ZMYM5: variants seen among roughly 807,000 people sequenced by gnomAD.
The protein encoded by ZMYM5 is zinc finger MYM-type protein 5.
ZMYM5 carries 41 observed loss-of-function variants against 61.8 expected under a neutral mutation model. The ratio of observed to expected loss-of-function variants is 0.66; its 90% CI spans 0.52 to 0.86. ZMYM5 has a LOEUF of 0.86. Ranked by LOEUF, ZMYM5 falls within the 40% of genes least tolerant of loss-of-function variation. The pLI is 0.00. For synonymous variants in ZMYM5, 257 were observed against 276.4 expected, an observed-to-expected ratio of 0.93 and a Z score of 0.70; for missense variants, 706 against 786.7, an observed-to-expected ratio of 0.90 and a Z score of 1.23.
intron 2 of ZMYM5, among the ~76,000 whole-genome samples, chr13:19,852,711 T>C (rs1021175679): frequency 1.3e-5 from 2 of 152,210 alleles, no homozygotes; most frequent in Non-Finnish European, 1.5e-5. Flanking sequence ...GCAATGGGCT[T>C]TTTACAGAAA....
At chr13:19,842,111 GGCCAATCC>G (rs1184028616) in intron 4 of ZMYM5, 2 of 152,108 alleles carry the variant, frequency 1.3e-5, no homozygotes, top group African/African-American at 4.8e-5. Context: ...CACTGCGCCT[GGCCAATCC>G]TATTTTCATA....
intron 4 of ZMYM5, 134 bp from the exon 5 acceptor site, chr13:19,839,119 T>C: frequency 1.0e-6 from 1 of 970,180 alleles, no homozygotes; most frequent in African/African-American, 1.6e-5. Context: ...CCAAACACTC[T>C]TGATGCACAA....
intron 7 of ZMYM5, among the ~76,000 whole-genome samples, chr13:19,825,796 T>C (rs1890884587): frequency 6.6e-6 from 1 of 151,924 alleles, no homozygotes; most frequent in South Asian, 2.1e-4. Flanking sequence ...ATCCCAGCAC[T>C]TTGGGAGGCC....
intron 4 of ZMYM5, among the ~76,000 whole-genome samples, chr13:19,842,790 T>A (rs189157504): frequency 8.7e-4 from 130 of 150,194 alleles, no homozygotes; most frequent in African/African-American, 2.8e-3. Flanking sequence ...CGAAACCCCA[T>A]CTCTACTAAA....
At chr13:19,831,624 C>T (rs1338339351) in intron 7 of ZMYM5, among the ~76,000 whole-genome samples, 3 of 150,988 alleles carry the variant, frequency 2.0e-5, no homozygotes, top group Admixed American at 2.0e-4. Flanking sequence ...GGTGAAACCC[C>T]GTCCGTCTCT....
intron 4 of ZMYM5, among the ~76,000 whole-genome samples, chr13:19,846,629 G>A (rs1405715144): frequency 6.6e-6 from 1 of 152,048 alleles, no homozygotes; most frequent in Non-Finnish European, 1.5e-5. Flanking sequence ...CAACATTTAG[G>A]ATCTGAGTGA....
chr13:19,828,076 TACACA>T (rs1422366192), intron 7 of ZMYM5, among the ~76,000 whole-genome samples: 2 of 143,992 alleles, frequency 1.4e-5, no homozygotes, highest in East Asian at 2.2e-4. Flanking sequence ...CTATTAGCTA[TACACA>T]ACACAACTTG....
chr13:19,856,422 C>A (rs1468358930), intron 2 of ZMYM5, among the ~76,000 whole-genome samples: 1 of 151,396 alleles, frequency 6.6e-6, no homozygotes, highest in Non-Finnish European at 1.5e-5. Context: ...AGGTGGATCA[C>A]CTGAGGTTGG....
intron 6 of ZMYM5, among the ~76,000 whole-genome samples, chr13:19,837,156 C>T (rs1026867338): frequency 1.3e-5 from 2 of 152,006 alleles, no homozygotes; most frequent in Non-Finnish European, 2.9e-5. Flanking sequence ...CTCAGCCTCC[C>T]AAGTAGCTTG....
chr13:19,837,435 A>G (rs770363288), intron 6 of ZMYM5: 77 of 1,541,660 alleles, frequency 5.0e-5, no homozygotes, highest in Non-Finnish European at 6.6e-5. Flanking sequence ...GAGCACAACA[A>G]TTCCATAGAA....
Position 19,842,425 on chromosome 13 carries a change from T to C in ZMYM5, c.587-3440A>G, listed in dbSNP as rs1566096118. On this transcript the variant is annotated intron_variant, in intron 4 of 7. Transcript: ENST00000337963. ...AAAGTAACACATTCTGGAGGAACTT[T>C]GACTTCAAACAACAACATAATAATA... 2.0e-5 allele frequency among the ~76,000 whole-genome samples: 3 copies of C among 152,302 alleles called. No homozygotes were observed. The South Asian group carries it at 6.2e-4, about 32-fold the overall frequency.
intron 2 of ZMYM5, among the ~76,000 whole-genome samples, chr13:19,855,558 G>A (rs975571010): frequency 2.0e-5 from 3 of 151,546 alleles, no homozygotes; most frequent in South Asian, 2.1e-4. Context: ...CACCGCGCCC[G>A]GCCCACAGTA....
chr13:19,861,447 C>T (rs1041881707), intron 2 of ZMYM5, among the ~76,000 whole-genome samples: 5 of 152,140 alleles, frequency 3.3e-5, no homozygotes, highest in African/African-American at 9.7e-5. Flanking sequence ...CCACTGTGCC[C>T]AGCCACTTTA....
chr13:19,854,962 A>G (rs1224751198), intron 2 of ZMYM5, among the ~76,000 whole-genome samples: 1 of 152,230 alleles, frequency 6.6e-6, no homozygotes, highest in Non-Finnish European at 1.5e-5. Context: ...AAGATGAGCC[A>G]ATTCATTACA....
intron 2 of ZMYM5, among the ~76,000 whole-genome samples, chr13:19,858,949 A>C (rs998825613): frequency 4.6e-5 from 7 of 152,118 alleles, no homozygotes; most frequent in African/African-American, 1.7e-4. Flanking sequence ...ACAGATTCTA[A>C]AAATTTTTTC....
In ZMYM5 at chr13:19,836,060, G is replaced by C. The variant is rs1952665812; in HGVS notation, c.1039-371C>G. ...GCTGGTATCGAACTCCTGACCTCAAGTGATCTGCCCGCCTTGGCCTCCCAA... is the reference window on the plus strand; with the variant it reads ...GCTGGTATCGAACTCCTGACCTCAACTGATCTGCCCGCCTTGGCCTCCCAA... On this transcript the variant is annotated intron_variant, in intron 6 of 7. Transcript: ENST00000337963. Among the ~76,000 whole-genome samples, 3 of 152,178 alleles carry C rather than the reference G, an allele frequency of 2.0e-5. No individual in the cohort carries two copies. The South Asian group carries it at 6.2e-4, about 31-fold the overall frequency.
At position 19,852,066 on chromosome 13, in the gene ZMYM5, C is replaced by A. The variant is rs775461518; in HGVS notation, c.115G>T (p.Ala39Ser). The change falls in exon 3 of 8, where the codon GCT (alanine) becomes TCT (serine). Residue 39 changes from alanine to serine, a missense_variant. Ala to Ser is a moderately conservative substitution (Grantham distance 99, BLOSUM62 1). Around this residue, in one of 2 missense-constraint regions of ZMYM5, gnomAD observed 480 missense variants for 461.7 expected, o/e 1.04. Transcript: ENST00000337963. Reference sequence around the variant, plus strand: ...CTAGATCTACTGACTAAAGGACAAGCTGGATGACCAAATGAATCCCCTATG... The same window carrying A: ...CTAGATCTACTGACTAAAGGACAAGATGGATGACCAAATGAATCCCCTATG... ...MDIGDSFGHP[A>S]CPLVSRSRNS... The A allele has an allele frequency of 6.2e-7, 1 of 1,613,846 alleles. No individual in the cohort carries two copies. The highest frequency in any genetic ancestry group is 1.1e-5 in the South Asian group (1 of 91,092).
intron 4 of ZMYM5, among the ~76,000 whole-genome samples, chr13:19,850,326 G>A (rs995989263): frequency 5.9e-5 from 9 of 152,120 alleles, no homozygotes; most frequent in Non-Finnish European, 1.5e-5. Flanking sequence ...CAGGCCAGTC[G>A]CAGTGGCTCA....
In ZMYM5 at chr13:19,824,970, T is replaced by C. The variant is rs781299439; in HGVS notation, c.1517A>G (p.Glu506Gly). The C allele has an allele frequency of 1.5e-6, 2 of 1,366,568 alleles. No homozygotes were observed. The highest frequency in any genetic ancestry group is 2.0e-6 in the Non-Finnish European group (2 of 1,021,362). 84.7% of individuals were successfully genotyped at this position (1,366,568 alleles called of 1,614,324 possible). A position where few individuals can be genotyped will look rare whatever the true frequency, so the allele number is the denominator to read the frequency against. Residue 506 changes from glutamate (E) to glycine (G), a missense_variant, in exon 8 of 8, where the codon GAG becomes GGG. This residue lies in a region of ZMYM5 where 226 missense variants were observed against 325.0 expected (regional missense o/e 0.70). Coordinates refer to ENST00000337963, the MANE Select transcript of ZMYM5 (RefSeq NM_001142684.2). The part of the protein sequence containing the change: ...IADTFQEQLE[E>G]KNFEDSIVPV... ...TACAATGGAGTCTTCAAAATTTTTC[T>C]CTTCCAGTTGCTCTTGAAATGTATC... is the stretch of plus-strand genomic sequence containing the variant.
Sources: gnomAD v4.1 joint callset for allele counts (sites outside exome capture counted in the v4.1 genomes callset) on GRCh38, gnomAD v4.1.1 for gene constraint, gnomAD v4.1.1 regional missense constraint, MANE v1.5 for transcripts, NCBI Gene and HGNC (gene_info 2026-07-23, HGNC 2026-07-21) for gene names.